MACROD2: variants seen among roughly 807,000 people sequenced by gnomAD.
MACROD2 encodes ADP-ribose glycohydrolase MACROD2.
A neutral mutation model predicts 70.4 loss-of-function variants in MACROD2; 36 were observed. The ratio of observed to expected loss-of-function variants is 0.51; its 90% CI spans 0.39 to 0.68. The LOEUF (loss-of-function observed/expected upper bound fraction) is 0.68. MACROD2 is among the 30% of genes least tolerant of loss of function. The pLI, the probability that MACROD2 is intolerant of heterozygous loss-of-function variation, is 0.00. For missense variants in MACROD2, 496 were observed against 538.4 expected, an observed-to-expected ratio of 0.92 and a Z score of 0.78; for synonymous variants, 172 against 178.8, an observed-to-expected ratio of 0.96 and a Z score of 0.30.
chr20:15,013,866 G>C (rs558664237), intron 5 of MACROD2, among the ~76,000 whole-genome samples: 1 of 152,298 alleles, frequency 6.6e-6, no homozygotes, highest in South Asian at 2.1e-4. Flanking sequence ...AATGAAGCAT[G>C]ATCACTCTGA....
intron 6 of MACROD2, among the ~76,000 whole-genome samples, chr20:15,279,998 T>C (rs2077428825): frequency 6.6e-6 from 1 of 152,288 alleles, no homozygotes; most frequent in East Asian, 1.9e-4. Flanking sequence ...GAGAAAAGAC[T>C]CCACAAATAT....
At position 14,806,040 on chromosome 20, in the gene MACROD2, A is replaced by G. The variant is rs1036195493; in HGVS notation, c.418+121081A>G. Among the ~76,000 whole-genome samples, 19 of 152,276 alleles carry G rather than the reference A, an allele frequency of 1.2e-4. No individual in the cohort carries two copies. In the East Asian group the frequency reaches 3.5e-3, roughly 28 times the overall value. The stretch of plus-strand genomic sequence containing the variant: ...AAGCATTAAAAATAGTGCCTGGTAC[A>G]TAGTAAGCACTCACTAAAAGATAGC... On this transcript the variant is annotated intron_variant, in intron 5 of 17. Transcript: ENST00000684519.
intron 4 of MACROD2, among the ~76,000 whole-genome samples, chr20:14,653,443 T>C (rs147597703): frequency 0.012 from 1,873 of 151,686 alleles, 42 homozygotes; most frequent in African/African-American, 0.043. Flanking sequence ...TGGTCTCGAT[T>C]TCCTGACCTC....
At chr20:14,053,649 GGGTTTTT>G (rs1165744124) in intron 2 of MACROD2, 9 of 152,036 alleles carry the variant, frequency 5.9e-5, no homozygotes, top group African/African-American at 1.7e-4. Context: ...CAACTATTGT[GGGTTTTT>G]GTCAATAAAT....
chr20:14,945,169 T>C (rs2074421116), intron 5 of MACROD2, among the ~76,000 whole-genome samples: 2 of 151,678 alleles, frequency 1.3e-5, no homozygotes, highest in African/African-American at 4.8e-5. Flanking sequence ...CAGGCTGGAG[T>C]GCAGTGGGCC....
chr20:14,454,099 A>G (rs2084273504), intron 3 of MACROD2, among the ~76,000 whole-genome samples: 2 of 152,074 alleles, frequency 1.3e-5, no homozygotes, highest in South Asian at 4.1e-4. Flanking sequence ...AATTAATACC[A>G]TTGTTTCTGG....
At chr20:14,053,111 GAA>G (rs2053590840) in intron 2 of MACROD2, 1 of 148,304 alleles carries the variant, frequency 6.7e-6, no homozygotes, top group Non-Finnish European at 1.5e-5. Context: ...TGGGCTCTAG[GAA>G]AAGAGCCTTT....
At chr20:15,924,559 A>G (rs1157807919) in intron 10 of MACROD2, among the ~76,000 whole-genome samples, 1 of 152,204 alleles carries the variant, frequency 6.6e-6, no homozygotes, top group African/African-American at 2.4e-5. Context: ...TTGTGCAGGC[A>G]GACACATCTC....
chr20:15,707,467 A>G (rs1568985862), intron 8 of MACROD2, among the ~76,000 whole-genome samples: 2 of 152,124 alleles, frequency 1.3e-5, no homozygotes, highest in Non-Finnish European at 2.9e-5. Flanking sequence ...TTCATATTCT[A>G]GTGGAAAGGG....
At chr20:14,980,801 C>G (rs2074789987) in intron 5 of MACROD2, among the ~76,000 whole-genome samples, 1 of 152,178 alleles carries the variant, frequency 6.6e-6, no homozygotes, top group African/African-American at 2.4e-5. Flanking sequence ...TTGGTTCTCT[C>G]ACTTACCCAG....
chr20:15,568,643 T>C (rs910722821), intron 8 of MACROD2, among the ~76,000 whole-genome samples: 1 of 152,196 alleles, frequency 6.6e-6, no homozygotes, highest in African/African-American at 2.4e-5. Flanking sequence ...GCTAGTCATG[T>C]AGTTCCAAAT....
intron 3 of MACROD2, among the ~76,000 whole-genome samples, chr20:14,278,636 AT>A (rs1350651087): frequency 6.6e-6 from 1 of 152,196 alleles, no homozygotes; most frequent in African/African-American, 2.4e-5. Context: ...TTAATCTGAA[AT>A]TAACTCTTAA....
chr20:15,359,145 A>C (rs1488676436), intron 6 of MACROD2, among the ~76,000 whole-genome samples: 1 of 152,194 alleles, frequency 6.6e-6, no homozygotes, highest in Non-Finnish European at 1.5e-5. Flanking sequence ...ATTAAATTAC[A>C]TTTATAACTT....
At chr20:15,748,891 C>T (rs1444949448) in intron 8 of MACROD2, among the ~76,000 whole-genome samples, 4 of 152,108 alleles carry the variant, frequency 2.6e-5, no homozygotes, top group Non-Finnish European at 5.9e-5. Flanking sequence ...AGGCTTTAAT[C>T]TTCGTTCCAC....
chr20:14,445,760 T>A (rs559084502), intron 3 of MACROD2, among the ~76,000 whole-genome samples: 1 of 152,272 alleles, frequency 6.6e-6, no homozygotes, highest in South Asian at 2.1e-4. Context: ...AAACTTAAAG[T>A]TGGCTTTGTT....
intron 3 of MACROD2, among the ~76,000 whole-genome samples, chr20:14,142,089 C>T (rs1366403009): frequency 1.3e-5 from 2 of 152,142 alleles, no homozygotes; most frequent in African/African-American, 4.8e-5. Context: ...TGGTAAGCCA[C>T]TAAGCCAGAT....
chr20:14,297,134 T>C (rs1440677403), intron 3 of MACROD2, among the ~76,000 whole-genome samples: 1 of 151,898 alleles, frequency 6.6e-6, no homozygotes, highest in East Asian at 1.9e-4. Context: ...TGTGTGTTTC[T>C]TCTTACTGCT....
chr20:15,598,935 C>T (rs1316116623), intron 8 of MACROD2, among the ~76,000 whole-genome samples: 1 of 152,138 alleles, frequency 6.6e-6, no homozygotes, highest in Non-Finnish European at 1.5e-5. Context: ...CTAAGCGAAT[C>T]CTCTCCCTCT....
At chr20:14,320,120 T>C (rs2122544487) in intron 3 of MACROD2, among the ~76,000 whole-genome samples, 1 of 152,314 alleles carries the variant, frequency 6.6e-6, no homozygotes, top group South Asian at 2.1e-4. Context: ...TAGTCACCTG[T>C]TCAAAGCCAA....
Sources: gnomAD v4.1 joint callset for allele counts (sites outside exome capture counted in the v4.1 genomes callset) on GRCh38, gnomAD v4.1.1 for gene constraint, MANE v1.5 for transcripts, NCBI Gene and HGNC (gene_info 2026-07-23, HGNC 2026-07-21) for gene names.